SLC41A3: variants seen among roughly 807,000 people sequenced by gnomAD.
The protein encoded by SLC41A3 is SLC41A1-like 2.
Under a neutral mutation model 45.4 loss-of-function variants are expected in SLC41A3, and 44 were observed. The ratio of observed to expected loss-of-function variants is 0.97; its 90% CI spans 0.76 to 1.25. The LOEUF is 1.25. Among genes scored for constraint, SLC41A3 ranks in the 50% most tolerant of loss-of-function variants. SLC41A3 has a pLI of 0.00. For synonymous variants in SLC41A3, 256 were observed against 252.4 expected (o/e 1.01, Z -0.13); for missense variants, 550 against 600.6 (o/e 0.92, Z 0.88).
At chr3:126,063,865 C>T (rs116547190) in intron 2 of SLC41A3, among the ~76,000 whole-genome samples, 2,284 of 151,880 alleles carry the variant, frequency 0.015, 23 homozygotes, top group Non-Finnish European at 0.022. Flanking sequence ...GGGCCCCTCA[C>T]TTCAACTCCG....
At chr3:126,054,161 C>T (rs1243558287) in intron 2 of SLC41A3, among the ~76,000 whole-genome samples, 1 of 152,170 alleles carries the variant, frequency 6.6e-6, no homozygotes, top group Non-Finnish European at 1.5e-5. Context: ...CCTTCACTGC[C>T]AACTCCTCTC....
At position 126,097,623 on chromosome 3, in the gene SLC41A3, C is replaced by A. The variant is rs549633353; in HGVS notation, c.-79+3806G>T. On this transcript the variant is annotated intron_variant, in intron 1 of 9. Coordinates refer to the SLC41A3 transcript ENST00000508835. The stretch of plus-strand genomic sequence containing the variant: ...CCCTCACTTGTACTTTTGCCCTGGG[C>A]TCTATAAATTTTGAGCTGGGCCTGT... Among the ~76,000 whole-genome samples the A allele has an allele frequency of 2.0e-5, 3 of 152,220 alleles. No individual in the cohort carries two copies. In the East Asian group the frequency reaches 5.8e-4, roughly 29 times the overall value.
chr3:126,056,914 G>C (rs1943707474), intron 2 of SLC41A3: 1 of 1,102,436 alleles, frequency 9.1e-7, no homozygotes, highest in Non-Finnish European at 1.1e-6. Flanking sequence ...GGCCTTGACA[G>C]CAATCAGCAG....
At chr3:126,035,357 T>C (rs544992243) in intron 3 of SLC41A3, among the ~76,000 whole-genome samples, 1 of 151,954 alleles carries the variant, frequency 6.6e-6, no homozygotes, top group South Asian at 2.1e-4. Flanking sequence ...AAGCTGGTGA[T>C]GAGGAGGGAA....
chr3:126,055,470 C>T (rs936843389), intron 2 of SLC41A3, among the ~76,000 whole-genome samples: 1 of 152,194 alleles, frequency 6.6e-6, no homozygotes, highest in African/African-American at 2.4e-5. Flanking sequence ...GCCGAGATCA[C>T]GCCATTGCAT....
chr3:126,027,305 A>G (rs1941443262), intron 4 of SLC41A3, among the ~76,000 whole-genome samples: 1 of 132,958 alleles, frequency 7.5e-6, no homozygotes, highest in African/African-American at 2.9e-5. Context: ...ATGAGTTCTC[A>G]TGAGTTCTGG....
intron 4 of SLC41A3, 85 bp downstream of exon 4, chr3:126,033,522 A>C: frequency 1.4e-6 from 2 of 1,449,380 alleles, no homozygotes; most frequent in Non-Finnish European, 1.9e-6. Context: ...TGCAGGGACA[A>C]GAGCTCGCTT....
rs142999329 is a variant in SLC41A3, at chr3:126,020,078, G to C, written c.745+2708C>G. ...TAAGCTTCCAAGGCCCTTGCTCTCT[G>C]CAAGTCTGGACAATTAGCACCACAT... is the stretch of plus-strand genomic sequence containing the variant. On this transcript the variant is annotated intron_variant, in intron 6 of 10. Coordinates refer to ENST00000360370, the MANE Select transcript of SLC41A3 (RefSeq NM_017836.4). 3.5e-3 allele frequency among the ~76,000 whole-genome samples: 536 copies of C among 152,230 alleles called. 2 individuals carry two copies. Among genetic ancestry groups the C allele is most frequent in the African/African-American group, 0.012 (516 of 41,528 alleles).
chr3:126,015,391 T>A (rs1940170610), intron 8 of SLC41A3, 103 bp downstream of exon 8: 1 of 1,151,148 alleles, frequency 8.7e-7, no homozygotes. Context: ...CAACTGCCTG[T>A]GCGGGGCTGG....
chr3:126,007,011 C>G lies in SLC41A3; in HGVS notation c.*5G>C. 1 of 1,614,100 alleles carries G rather than the reference C, an allele frequency of 6.2e-7. No homozygotes were observed. Among genetic ancestry groups the G allele is most frequent in the Non-Finnish European group, 8.5e-7 (1 of 1,179,976 alleles). ...TAATGAGCAAATGGGACCAGCGGGG[C>G]CCAGTTAGGGAGGTCCAGATGCCAG... is the stretch of plus-strand genomic sequence containing the variant. On this transcript the variant is annotated 3_prime_UTR_variant, in exon 11 of 11. Coordinates refer to ENST00000360370, the MANE Select transcript of SLC41A3 (RefSeq NM_017836.4).
At chr3:126,094,457 C>A (rs1364776495) in intron 1 of SLC41A3, among the ~76,000 whole-genome samples, 1 of 152,164 alleles carries the variant, frequency 6.6e-6, no homozygotes, top group African/African-American at 2.4e-5. Flanking sequence ...CCTTGGAATT[C>A]TCCAGTTTTC....
upstream of SLC41A3, among the ~76,000 whole-genome samples, chr3:126,086,407 TG>T (rs768970264): frequency 1.9e-5 from 2 of 106,480 alleles, 1 homozygote; most frequent in African/African-American, 7.5e-5. Context: ...TTTGTTTTCT[TG>T]TTTTTTTTTT....
chr3:126,022,680 A>T, intron 6 of SLC41A3, 106 bp downstream of exon 6: 1 of 1,393,998 alleles, frequency 7.2e-7, no homozygotes, highest in Admixed American at 2.0e-5. Flanking sequence ...TTCAAACAAC[A>T]GCACATGGGC....
chr3:126,059,316 A>AAGGG (rs1943933714), intron 2 of SLC41A3, among the ~76,000 whole-genome samples: 1 of 142,818 alleles, frequency 7.0e-6, no homozygotes, highest in East Asian at 2.1e-4. Flanking sequence ...GAAAGGAAGG[A>AAGGG]TGATCTGTGA....
rs1944449454 is a variant in SLC41A3 at position 126,068,183 on chromosome 3, T to C, written c.37A>G (p.Ser13Gly). 6.3e-7 allele frequency: 1 copy of C among 1,574,872 alleles called. No homozygotes were observed. The highest frequency in any genetic ancestry group is 1.4e-5 in the African/African-American group (1 of 73,546). ...CCCAGCTCCCCTGGCTTGCCACAGC[T>C]GTCCAGCCTCCGCTGCCGGGTCTCT... ...GTETRQRRLD[S>G]CGKPGELGLP... is the part of the protein sequence containing the mutation. Residue 13 changes from serine (S) to glycine (G), a missense_variant, in exon 2 of 11, where the codon AGC (serine) becomes GGC (glycine). Physicochemically the swap from Ser to Gly is moderately conservative, Grantham distance 56. Transcript: ENST00000360370.
At chr3:126,035,333 T>C (rs946782535) in intron 3 of SLC41A3, among the ~76,000 whole-genome samples, 4 of 152,024 alleles carry the variant, frequency 2.6e-5, no homozygotes, top group South Asian at 2.1e-4. Context: ...ACACTACGTT[T>C]CCCAGGGCTG....
At chr3:126,091,847 A>G (rs897398230) in intron 1 of SLC41A3, among the ~76,000 whole-genome samples, 1 of 152,136 alleles carries the variant, frequency 6.6e-6, no homozygotes, top group African/African-American at 2.4e-5. Flanking sequence ...TTGGTGTCTT[A>G]TTGCTACAAA....
chr3:126,054,727 G>T (rs1033411942), intron 2 of SLC41A3, among the ~76,000 whole-genome samples: 2 of 151,870 alleles, frequency 1.3e-5, no homozygotes, highest in South Asian at 2.1e-4. Context: ...AAGAATGACT[G>T]CTCCCTCTTC....
rs1576298163 is a variant in SLC41A3, at chr3:126,045,343, T to C, written c.381+5600A>G. Among the ~76,000 whole-genome samples the C allele has an allele frequency of 2.2e-5, 2 of 90,420 alleles. 1 individual carries two copies. The highest frequency in any genetic ancestry group is 1.0e-3 in the South Asian group (2 of 1,996). 59.3% of individuals were successfully genotyped at this position (90,420 alleles called of 152,430 possible). A position where few individuals can be genotyped will look rare whatever the true frequency, so the allele number is the denominator to read the frequency against. ...AGAGAAAAATCAATGAAACTAAGAA[T>C]TGATTGGTTCCTCAAAAAAAAAAAA... On this transcript the variant is annotated intron_variant, in intron 3 of 10. Transcript: ENST00000360370.
Sources: gnomAD v4.1 joint callset for allele counts (sites outside exome capture counted in the v4.1 genomes callset) on GRCh38, gnomAD v4.1.1 for gene constraint, MANE v1.5 for transcripts, NCBI Gene and HGNC (gene_info 2026-07-23, HGNC 2026-07-21) for gene names.